Variants in ACBD5 observed in about 807,000 individuals in gnomAD.
ACBD5 encodes acyl-CoA-binding domain-containing protein 5.
ACBD5 carries 40 observed loss-of-function variants against 71.8 expected under a neutral mutation model. The observed-to-expected ratio is 0.56, with a 90% CI of 0.43 to 0.72. The LOEUF is 0.72. Ranked by LOEUF, ACBD5 falls within the 30% of genes least tolerant of loss-of-function variation. ACBD5 has a pLI of 0.00. For synonymous variants in ACBD5, 229 were observed against 218.6 expected (o/e 1.05, Z -0.42); for missense variants, 559 against 644.5 (o/e 0.87, Z 1.44).
chr10:27,232,620 C>T (rs1006365758), intron 3 of ACBD5, among the ~76,000 whole-genome samples: 3 of 152,122 alleles, frequency 2.0e-5, no homozygotes, highest in Non-Finnish European at 4.4e-5. Flanking sequence ...AGCCACTGCG[C>T]CCAGCCAGCC....
intron 6 of ACBD5, among the ~76,000 whole-genome samples, chr10:27,218,886 G>A (rs1420266559): frequency 1.3e-5 from 2 of 151,956 alleles, no homozygotes; most frequent in East Asian, 1.9e-4. Context: ...GTGCCCGGCC[G>A]CAGTTTGTTT....
chr10:27,205,240 T>C lies in ACBD5; in HGVS notation c.1413A>G (p.Ser471=), dbSNP rs765565984. The C allele has an allele frequency of 8.1e-6, 13 of 1,613,126 alleles. No individual in the cohort carries two copies. Among genetic ancestry groups the C allele is most frequent in the African/African-American group, 1.3e-5 (1 of 74,900 alleles). Residue 471 remains serine, a synonymous_variant, in exon 11 of 13, where the codon TCA becomes TCG. Transcript: ENST00000396271. The part of the protein sequence containing the change: ...LETLTALQAK[S]STSTLQTAPQ... ...GAGCAGTCTGCAATGTTGATGTTGA[T>C]GATTTTGCCTGTAAATGCAAATGAA...
chr10:27,238,178 C>G (rs941319857), intron 2 of ACBD5, among the ~76,000 whole-genome samples: 4 of 151,864 alleles, frequency 2.6e-5, no homozygotes, highest in Non-Finnish European at 2.9e-5. Context: ...ATCTCCTGAC[C>G]TTGTGATCCG....
At chr10:27,230,174 C>A (rs2063667211) in intron 4 of ACBD5, among the ~76,000 whole-genome samples, 1 of 151,272 alleles carries the variant, frequency 6.6e-6, no homozygotes, top group Non-Finnish European at 1.5e-5. Flanking sequence ...TTTGAAAGGC[C>A]TATTTGTTAT....
intron 2 of ACBD5, among the ~76,000 whole-genome samples, chr10:27,237,026 G>A (rs952821959): frequency 2.0e-5 from 3 of 151,832 alleles, no homozygotes; most frequent in African/African-American, 7.3e-5. Context: ...TGCACATTTA[G>A]GAGTACCTAA....
At chr10:27,197,788 A>G (rs1457616096) in intron 12 of ACBD5, among the ~76,000 whole-genome samples, 1 of 152,104 alleles carries the variant, frequency 6.6e-6, no homozygotes, top group African/African-American at 2.4e-5. Flanking sequence ...CTGGCATTAC[A>G]GGTGTGTGCC....
rs2060377353 is a variant in ACBD5, at chr10:27,205,345, G to T, written c.1405-97C>A. On this transcript the variant is annotated intron_variant, in intron 10 of 12. Transcript: ENST00000396271. ...TTTTTTAAAAGGCAGAAATATTGAG[G>T]TTTTTTTTGGTTGCTTTTGTTTTCT... 13 of 1,211,422 alleles carry T rather than the reference G, an allele frequency of 1.1e-5. No individual in the cohort carries two copies. In the Admixed American group the frequency reaches 1.2e-4, roughly 11 times the overall value. The allele number at this position is 1,211,422 out of a possible 1,614,324, so 75.0% of individuals were successfully genotyped here.
intron 3 of ACBD5, chr10:27,232,186 G>A (rs1258453811): frequency 1.1e-5 from 2 of 187,602 alleles, no homozygotes; most frequent in East Asian, 1.4e-4. Flanking sequence ...AAGATCAAGT[G>A]TAGAAGACTA....
chr10:27,236,336 T>G (rs1365533759), intron 2 of ACBD5, among the ~76,000 whole-genome samples: 2 of 151,858 alleles, frequency 1.3e-5, no homozygotes, highest in African/African-American at 2.4e-5. Context: ...TTTAGAAAAA[T>G]AAGTTTAAAA....
chr10:27,227,422 A>G (rs2063221957), intron 4 of ACBD5, among the ~76,000 whole-genome samples: 1 of 152,084 alleles, frequency 6.6e-6, no homozygotes, highest in African/African-American at 2.4e-5. Context: ...CCAAATCCTA[A>G]TGCTCTACTC....
chr10:27,210,983 A>G lies in ACBD5; in HGVS notation c.1035T>C (p.Ile345=). The change falls in exon 9 of 13, where the codon ATT becomes ATC. Residue 345 remains isoleucine, a synonymous_variant. Coordinates refer to ENST00000396271, the MANE Select transcript of ACBD5 (RefSeq NM_145698.5). The stretch of plus-strand genomic sequence containing the variant: ...TGTTGCCATTTCCAGGAGGTACTTG[A>G]ATATCTTCACGAAATCCAGAATTTT... ...PMENSGFRED[I]QVPPGNGNIG... is the part of the protein sequence containing the mutation. The G allele has an allele frequency of 6.2e-7, 1 of 1,614,142 alleles. No homozygotes were observed. Among genetic ancestry groups the G allele is most frequent in the South Asian group, 1.1e-5 (1 of 91,078 alleles).
intron 9 of ACBD5, 144 bp from the exon 10 acceptor site, chr10:27,208,589 GCACT>G (rs1196910734): frequency 1.0e-6 from 1 of 997,002 alleles, no homozygotes; most frequent in Admixed American, 2.0e-5. Flanking sequence ...TGTAATCCCA[GCACT>G]TTGGGAGGCT....
intron 10 of ACBD5, among the ~76,000 whole-genome samples, chr10:27,206,335 G>A (rs1322554567): frequency 6.6e-6 from 1 of 151,862 alleles, no homozygotes; most frequent in African/African-American, 2.4e-5. Flanking sequence ...CATAGAGCAT[G>A]CCAGGCTCAG....
At chr10:27,203,523 G>C (rs1273630536) in intron 12 of ACBD5, among the ~76,000 whole-genome samples, 1 of 152,166 alleles carries the variant, frequency 6.6e-6, no homozygotes, top group African/African-American at 2.4e-5. Context: ...CAAATCACCT[G>C]AGGTCAGGAG....
intron 4 of ACBD5, among the ~76,000 whole-genome samples, chr10:27,229,861 GAAAA>G (rs1409006154): frequency 1.3e-5 from 2 of 152,130 alleles, no homozygotes; most frequent in African/African-American, 4.8e-5. Flanking sequence ...AAGTGTGAAT[GAAAA>G]GAGTAAATTA....
chr10:27,228,815 A>ATATATATATATATATATATATAT (rs1554856598), intron 4 of ACBD5, among the ~76,000 whole-genome samples: 1 of 20,362 alleles, frequency 4.9e-5, no homozygotes, highest in Non-Finnish European at 1.3e-4. Context: ...ATATATATAT[A>ATATATATATATATATATATATAT]TTTTTTTTTT....
In ACBD5 at chr10:27,240,503, C is replaced by T. The variant is rs1237554694; in HGVS notation, c.16-19G>A. The T allele has an allele frequency of 2.5e-6, 4 of 1,587,456 alleles. No homozygotes were observed. The highest frequency in any genetic ancestry group is 1.7e-6 in the Non-Finnish European group (2 of 1,165,934). ...CATGAAACTGGAACATGGAGCGCAGCCGCGGATCAACATGCCCCAAAAGGA... is the reference window on the plus strand; with the variant it reads ...CATGAAACTGGAACATGGAGCGCAGTCGCGGATCAACATGCCCCAAAAGGA... On this transcript the variant is annotated intron_variant, in intron 1 of 12. Transcript: ENST00000396271. The surrounding 1 kb of genome is among the most constrained non-coding windows in gnomAD (Gnocchi z 4.1).
At chr10:27,189,143 GTGTT>G (rs768208779) in intron 13 of ACBD5, among the ~76,000 whole-genome samples, 1 of 152,178 alleles carries the variant, frequency 6.6e-6, no homozygotes, top group Non-Finnish European at 1.5e-5. Context: ...CCCACATACA[GTGTT>G]TGCCTTCCCA....
Position 27,240,524 on chromosome 10 carries a change from AAGG to A in ACBD5, c.16-43_16-41del. 6.4e-7 allele frequency: 1 copy of A among 1,566,204 alleles called. No individual in the cohort carries two copies. The highest frequency in any genetic ancestry group is 8.7e-7 in the Non-Finnish European group (1 of 1,154,290). On this transcript the variant is annotated intron_variant, in intron 1 of 12. Coordinates refer to ENST00000396271, the MANE Select transcript of ACBD5 (RefSeq NM_145698.5). The surrounding 1 kb of genome is among the most constrained non-coding windows in gnomAD (Gnocchi z 4.1). ...GCAGCCGCGGATCAACATGCCCCAA[AAGG>A]AGGAGGCCCGGGAGCGAAGCGGGTC...
Sources: allele counts gnomAD v4.1 joint callset (sites outside exome capture counted in the v4.1 genomes callset), GRCh38; gene constraint gnomAD v4.1.1; non-coding constraint Gnocchi (gnomAD v3.1); transcripts MANE v1.5; gene names NCBI Gene and HGNC (gene_info 2026-07-23, HGNC 2026-07-21).